The following NME7 variants were observed in gnomAD, a reference collection of about 807,000 sequenced individuals.
NME7 encodes the protein NME/NM23 family member 7.
A neutral mutation model predicts 49.1 loss-of-function variants in NME7; 41 were observed. That is an observed-to-expected ratio of 0.83 (90% confidence interval 0.65 to 1.08). NME7 has a LOEUF of 1.08. NME7 is among the 50% of genes least tolerant of loss of function. The pLI, the probability that NME7 is intolerant of heterozygous loss-of-function variation, is 0.00. For synonymous variants in NME7, 139 were observed against 150.6 expected, an observed-to-expected ratio of 0.92 and a Z score of 0.56; for missense variants, 423 against 463.4, an observed-to-expected ratio of 0.91 and a Z score of 0.80.
chr1:169,162,571 T>C (rs1174489332), intron 11 of NME7, among the ~76,000 whole-genome samples: 1 of 152,162 alleles, frequency 6.6e-6, no homozygotes, highest in Non-Finnish European at 1.5e-5. Context: ...AGGCCAGGCA[T>C]GGTGACTCTC....
chr1:169,281,343 A>G lies in NME7; in HGVS notation c.754+5960T>C, dbSNP rs952235587. Among the ~76,000 whole-genome samples, 5 of 152,292 alleles carry G rather than the reference A, an allele frequency of 3.3e-5. No homozygotes were observed. In the South Asian group the frequency reaches 1.0e-3, roughly 32 times the overall value. ...GCTGAAGTTGCTTATCAGCATAAGG[A>G]GGTTTTGGGCTAAGACAATGGGGTT... On this transcript the variant is annotated intron_variant, in intron 7 of 11. Coordinates refer to ENST00000367811, the MANE Select transcript of NME7 (RefSeq NM_013330.5).
At chr1:169,245,989 G>A (rs1277938418) in intron 7 of NME7, among the ~76,000 whole-genome samples, 1 of 152,146 alleles carries the variant, frequency 6.6e-6, no homozygotes, top group Admixed American at 6.5e-5. Flanking sequence ...ATTTTTAATG[G>A]AAGCACTCAG....
chr1:169,313,307 G>T (rs1020688977), intron 3 of NME7, among the ~76,000 whole-genome samples: 2 of 151,558 alleles, frequency 1.3e-5, no homozygotes, highest in Admixed American at 6.6e-5. Context: ...TTGATTTGCA[G>T]TACATCATTG....
intron 10 of NME7, among the ~76,000 whole-genome samples, chr1:169,178,681 C>T (rs1372507761): frequency 6.6e-6 from 1 of 152,142 alleles, no homozygotes; most frequent in Non-Finnish European, 1.5e-5. Context: ...CTTTCTTCCT[C>T]ATCTCTACAG....
At chr1:169,294,682 C>G (rs1042268759) in intron 6 of NME7, among the ~76,000 whole-genome samples, 1 of 151,958 alleles carries the variant, frequency 6.6e-6, no homozygotes, top group Non-Finnish European at 1.5e-5. Context: ...CTTCCCCAGA[C>G]AAGGGTAAAA....
intron 7 of NME7, among the ~76,000 whole-genome samples, chr1:169,275,746 G>A (rs1571346094): frequency 7.5e-6 from 1 of 132,716 alleles, no homozygotes; most frequent in African/African-American, 2.5e-5. Context: ...GTGAGAGAGG[G>A]CATCCCTGTC....
intron 10 of NME7, among the ~76,000 whole-genome samples, chr1:169,221,251 A>G (rs1432412619): frequency 2.0e-5 from 3 of 152,192 alleles, no homozygotes; most frequent in Admixed American, 6.5e-5. Flanking sequence ...TCTTGTCTTT[A>G]GACTATTCTC....
At chr1:169,274,198 G>C (rs1190235558) in intron 7 of NME7, among the ~76,000 whole-genome samples, 2 of 133,316 alleles carry the variant, frequency 1.5e-5, no homozygotes, top group African/African-American at 5.1e-5. Context: ...GTTTTGATTT[G>C]CATTTCTCTG....
chr1:169,247,634 C>T (rs12130858), intron 7 of NME7, among the ~76,000 whole-genome samples: 36,679 of 151,940 alleles, frequency 0.24, 5,457 homozygotes, highest in Non-Finnish European at 0.34. Context: ...CCCTCACCCC[C>T]CTCAACCCTC....
intron 10 of NME7, among the ~76,000 whole-genome samples, chr1:169,190,014 A>G (rs1307910945): frequency 1.3e-5 from 2 of 152,228 alleles, no homozygotes; most frequent in African/African-American, 2.4e-5. Flanking sequence ...ATGAAATAAT[A>G]TAAGTCAAAG....
At chr1:169,348,354 CA>C (rs1358509744) in intron 1 of NME7, among the ~76,000 whole-genome samples, 2 of 75,474 alleles carry the variant, frequency 2.6e-5, no homozygotes, top group African/African-American at 5.0e-5. Flanking sequence ...TAACAGATTC[CA>C]AAAAAAAGCA....
At chr1:169,231,185 A>G (rs1216285188) in intron 9 of NME7, among the ~76,000 whole-genome samples, 1 of 152,228 alleles carries the variant, frequency 6.6e-6, no homozygotes, top group African/African-American at 2.4e-5. Context: ...AAAACCTTTT[A>G]AAAATCATAA....
chr1:169,171,503 C>T (rs755712961), intron 10 of NME7, among the ~76,000 whole-genome samples: 6 of 152,318 alleles, frequency 3.9e-5, no homozygotes, highest in Non-Finnish European at 8.8e-5. Context: ...TGGATCATGC[C>T]TGTAATCCCA....
chr1:169,184,891 G>C (rs1036517945), intron 10 of NME7, among the ~76,000 whole-genome samples: 4 of 152,130 alleles, frequency 2.6e-5, no homozygotes, highest in Non-Finnish European at 5.9e-5. Flanking sequence ...CCAAGGCAGA[G>C]CATAGAATTG....
At chr1:169,184,031 A>G (rs1348564503) in intron 10 of NME7, among the ~76,000 whole-genome samples, 3 of 151,666 alleles carry the variant, frequency 2.0e-5, no homozygotes, top group Non-Finnish European at 4.4e-5. Context: ...TTTTATTAGG[A>G]GTTATATTCT....
chr1:169,143,797 A>G (rs1658676733), intron 11 of NME7, among the ~76,000 whole-genome samples: 1 of 152,200 alleles, frequency 6.6e-6, no homozygotes, highest in African/African-American at 2.4e-5. Flanking sequence ...AATATGAAAC[A>G]TGGATATGGT....
At chr1:169,182,174 T>TAAAAAAAAAA (rs59280361) in intron 10 of NME7, among the ~76,000 whole-genome samples, 5 of 134,094 alleles carry the variant, frequency 3.7e-5, no homozygotes, top group Non-Finnish European at 4.7e-5. Context: ...CTAGCTAATT[T>TAAAAAAAAAA]AAAAAAAAAA....
chr1:169,296,513 T>C (rs1433582025), intron 6 of NME7, among the ~76,000 whole-genome samples: 1 of 151,848 alleles, frequency 6.6e-6, no homozygotes, highest in Non-Finnish European at 1.5e-5. Context: ...CCTCTTTACT[T>C]CTCTATCTAT....
chr1:169,216,824 G>A (rs932382860), intron 10 of NME7, among the ~76,000 whole-genome samples: 3 of 152,208 alleles, frequency 2.0e-5, no homozygotes, highest in East Asian at 3.8e-4. Context: ...TGTTGGTAGG[G>A]AAAAATCCCC....
Sources: gnomAD v4.1 joint callset for allele counts (sites outside exome capture counted in the v4.1 genomes callset) on GRCh38, gnomAD v4.1.1 for gene constraint, MANE v1.5 for transcripts, NCBI Gene and HGNC (gene_info 2026-07-23, HGNC 2026-07-21) for gene names.